LMOD1: variants seen among roughly 807,000 people sequenced by gnomAD.
The protein encoded by LMOD1 is leiomodin-1.
In LMOD1, 8 loss-of-function variants were observed where a neutral mutation model predicts 36.5. The ratio of observed to expected loss-of-function variants is 0.22; its 90% CI spans 0.13 to 0.40. The LOEUF (loss-of-function observed/expected upper bound fraction) is 0.40, where lower values mean the gene tolerates loss of function less well. Among genes scored for constraint, LMOD1 ranks in the 10% least tolerant of loss-of-function variants. LMOD1 has a pLI of 1.00. For synonymous variants in LMOD1, 284 were observed against 288.7 expected (o/e 0.98, Z 0.17); for missense variants, 630 against 751.1 (o/e 0.84, Z 1.88).
intron 1 of LMOD1, among the ~76,000 whole-genome samples, chr1:201,923,490 G>T (rs954497277): frequency 6.6e-6 from 1 of 152,148 alleles, no homozygotes; most frequent in African/African-American, 2.4e-5. Flanking sequence ...GGAGTCTGAG[G>T]CAGGAGGATC....
intron 1 of LMOD1, among the ~76,000 whole-genome samples, chr1:201,933,577 TGTACAC>T (rs1681963856): frequency 1.1e-4 from 15 of 130,626 alleles, no homozygotes; most frequent in South Asian, 2.4e-4. Context: ...ATATTATATA[TGTACAC>T]ATATACATAC....
intron 1 of LMOD1, among the ~76,000 whole-genome samples, chr1:201,927,518 A>G (rs1372792438): frequency 1.3e-5 from 2 of 152,010 alleles, no homozygotes; most frequent in African/African-American, 4.8e-5. Flanking sequence ...GTGAGCCAAG[A>G]TCACGCCACT....
At chr1:201,938,751 G>A (rs1371023163) in intron 1 of LMOD1, among the ~76,000 whole-genome samples, 1 of 152,186 alleles carries the variant, frequency 6.6e-6, no homozygotes. Context: ...GTGGAAGGGT[G>A]TGGGAACAGG....
chr1:201,904,749 C>A (rs1461099362), intron 1 of LMOD1, among the ~76,000 whole-genome samples: 2 of 152,152 alleles, frequency 1.3e-5, no homozygotes, highest in Non-Finnish European at 1.5e-5. Context: ...CTCCAAATAG[C>A]CAGGAATGAG....
At chr1:201,922,333 G>A (rs918986724) in intron 1 of LMOD1, among the ~76,000 whole-genome samples, 6 of 152,160 alleles carry the variant, frequency 3.9e-5, no homozygotes, top group African/African-American at 7.2e-5. Context: ...CAAATGGAAA[G>A]CACCCAAAGT....
intron 1 of LMOD1, among the ~76,000 whole-genome samples, chr1:201,911,835 G>A (rs1681501974): frequency 6.6e-6 from 1 of 152,136 alleles, no homozygotes; most frequent in African/African-American, 2.4e-5. Flanking sequence ...GCTTAACTTT[G>A]AGGCCAAAAA....
In LMOD1 at chr1:201,924,665, A is replaced by AAAAGAAAG. The variant is rs547652390; in HGVS notation, c.261+21407_261+21414dup. Among the ~76,000 whole-genome samples the AAAAGAAAG allele has an allele frequency of 5.8e-3, 759 of 130,220 alleles. 6 individuals are homozygous for AAAAGAAAG. Among genetic ancestry groups the AAAAGAAAG allele is most frequent in the East Asian group, 0.011 (32 of 3,002 alleles). The allele number at this position is 130,220 out of a possible 152,430, so 85.4% of individuals were successfully genotyped here. On this transcript the variant is annotated intron_variant, in intron 1 of 2. Coordinates refer to ENST00000367288, the MANE Select transcript of LMOD1 (RefSeq NM_012134.3). ...GAAAGAAAGAGAGAAAGAAAGAAAA[A>AAAAGAAAG]AAAGAAAGAAAGAAAGAAAGAAAGA...
intron 2 of LMOD1, 117 bp from the exon 3 acceptor site, chr1:201,898,515 G>A (rs1170650061): frequency 7.1e-6 from 6 of 843,186 alleles, no homozygotes; most frequent in Non-Finnish European, 1.1e-5. Flanking sequence ...TGTGAATGAG[G>A]TGTTGACACT....
At chr1:201,932,152 G>T (rs1040210186) in intron 1 of LMOD1, among the ~76,000 whole-genome samples, 1 of 152,116 alleles carries the variant, frequency 6.6e-6, no homozygotes, top group African/African-American at 2.4e-5. Context: ...GAGAATTGAG[G>T]ATAATGTTCA....
chr1:201,931,323 G>A (rs1681914369), intron 1 of LMOD1, among the ~76,000 whole-genome samples: 1 of 152,094 alleles, frequency 6.6e-6, no homozygotes, highest in Non-Finnish European at 1.5e-5. Flanking sequence ...TCACTTGAGG[G>A]CAAGAGTTCG....
At chr1:201,933,538 TATAATAC>T (rs1182529141) in intron 1 of LMOD1, among the ~76,000 whole-genome samples, 21 of 94,530 alleles carry the variant, frequency 2.2e-4, no homozygotes, top group Admixed American at 1.4e-3. Flanking sequence ...TCTCTATATA[TATAATAC>T]ATATATATAT....
rs12408334 is a variant in LMOD1, at chr1:201,941,467, C to G, written c.261+4613G>C. Among the ~76,000 whole-genome samples the G allele has an allele frequency of 6.6e-5, 10 of 152,248 alleles. No individual in the cohort carries two copies. In the East Asian group the frequency reaches 1.5e-3, roughly 24 times the overall value. On this transcript the variant is annotated intron_variant, in intron 1 of 2. Coordinates refer to ENST00000367288, the MANE Select transcript of LMOD1 (RefSeq NM_012134.3). Reference sequence around the variant, plus strand: ...TTGCCTCCCTGGGTCAACAGGCCCCCGTCACCTCTTCTGCCCTCTTCACCC... The same window carrying G: ...TTGCCTCCCTGGGTCAACAGGCCCCGGTCACCTCTTCTGCCCTCTTCACCC...
intron 1 of LMOD1, among the ~76,000 whole-genome samples, chr1:201,945,045 T>C (rs1682179552): frequency 6.6e-6 from 1 of 152,146 alleles, no homozygotes; most frequent in Non-Finnish European, 1.5e-5. Flanking sequence ...AATTCACAAG[T>C]AATGGATAAT....
chr1:201,905,284 G>A (rs1681394470), intron 1 of LMOD1, among the ~76,000 whole-genome samples: 1 of 152,208 alleles, frequency 6.6e-6, no homozygotes, highest in African/African-American at 2.4e-5. Context: ...CTCAGAGTAA[G>A]AAACGGCTCC....
intron 1 of LMOD1, among the ~76,000 whole-genome samples, chr1:201,924,377 GA>G: frequency 7.5e-6 from 1 of 133,794 alleles, no homozygotes. Flanking sequence ...GGGAGGGAGG[GA>G]GGGAAGGAAG....
chr1:201,929,651 T>C lies in LMOD1; in HGVS notation c.261+16429A>G, dbSNP rs527990353. Among the ~76,000 whole-genome samples the C allele has an allele frequency of 2.6e-5, 4 of 152,368 alleles. No homozygotes were observed. The East Asian group carries it at 7.7e-4, about 29-fold the overall frequency. On this transcript the variant is annotated intron_variant, in intron 1 of 2. Transcript: ENST00000367288. ...ATTTTCAAATAGTCTCAGAAGGGTATAGATGAATTACAAATTTTGTAGATT... is the reference window on the plus strand; with the variant it reads ...ATTTTCAAATAGTCTCAGAAGGGTACAGATGAATTACAAATTTTGTAGATT...
At chr1:201,936,916 G>A (rs1191632488) in intron 1 of LMOD1, among the ~76,000 whole-genome samples, 1 of 151,970 alleles carries the variant, frequency 6.6e-6, no homozygotes, top group Admixed American at 6.6e-5. Flanking sequence ...TTCCAGACTG[G>A]GCAACAGAGT....
rs558117452 is a variant in LMOD1, at chr1:201,917,302, G to A, written c.262-16551C>T. On this transcript the variant is annotated intron_variant, in intron 1 of 2. Transcript: ENST00000367288. ...CACCAGAAAGGAAGGCACGGTGAGC[G>A]GTGTCTGTGTTTCACCTAGGCCCTT... 3.3e-5 allele frequency among the ~76,000 whole-genome samples: 5 copies of A among 152,260 alleles called. 1 individual carries two copies. The highest frequency in any genetic ancestry group is 9.6e-5 in the African/African-American group (4 of 41,508).
In LMOD1 at chr1:201,896,908, A is replaced by G. The variant is rs191210355; in HGVS notation, c.*1464T>C. On this transcript the variant is annotated 3_prime_UTR_variant, in exon 3 of 3. Coordinates refer to ENST00000367288, the MANE Select transcript of LMOD1 (RefSeq NM_012134.3). ...GCTGGGGCACCCCACCCTCACCTCA[A>G]AGATGGTGAAACTGCTGTGCCTCCT... 15 of 355,126 alleles carry G rather than the reference A, an allele frequency of 4.2e-5. 2 individuals are homozygous for G. Among genetic ancestry groups the G allele is most frequent in the African/African-American group, 3.0e-4 (14 of 46,868 alleles). The allele number at this position is 355,126 out of a possible 1,614,324, so 22.0% of individuals were successfully genotyped here.
Sources: gnomAD v4.1 joint callset for allele counts (sites outside exome capture counted in the v4.1 genomes callset) on GRCh38, gnomAD v4.1.1 for gene constraint, MANE v1.5 for transcripts, NCBI Gene and HGNC (gene_info 2026-07-23, HGNC 2026-07-21) for gene names.